Variants in EXOC6B observed in about 807,000 individuals in gnomAD.
EXOC6B encodes exocyst complex component 6B.
A neutral mutation model predicts 113.5 loss-of-function variants in EXOC6B; 54 were observed. The ratio of observed to expected loss-of-function variants is 0.48; its 90% confidence interval spans 0.38 to 0.60. EXOC6B has a LOEUF of 0.60. Among genes scored for constraint, EXOC6B ranks in the 20% least tolerant of loss-of-function variants. The pLI, the probability that EXOC6B is intolerant of heterozygous loss-of-function variation, is 0.00. For missense variants in EXOC6B, 797 were observed against 977.5 expected, an observed-to-expected ratio of 0.82 and a Z score of 2.46; for synonymous variants, 357 against 339.0, an observed-to-expected ratio of 1.05 and a Z score of -0.58.
chr2:72,763,529 C>T (rs1682868968), intron 1 of EXOC6B, among the ~76,000 whole-genome samples: 1 of 151,388 alleles, frequency 6.6e-6, no homozygotes, highest in South Asian at 2.1e-4. Flanking sequence ...CTCAAGTGAT[C>T]CTCCTATCTC....
At chr2:72,802,182 G>A (rs1054206392) in intron 1 of EXOC6B, among the ~76,000 whole-genome samples, 10 of 151,832 alleles carry the variant, frequency 6.6e-5, no homozygotes, top group Admixed American at 1.3e-4. Flanking sequence ...AAAAATAGCC[G>A]GGCATGGTGG....
intron 6 of EXOC6B, among the ~76,000 whole-genome samples, chr2:72,640,752 A>G (rs1424008771): frequency 6.6e-6 from 1 of 152,208 alleles, no homozygotes; most frequent in African/African-American, 2.4e-5. Context: ...TGACACACTC[A>G]GGCTCAAAAT....
At position 72,636,766 on chromosome 2, in the gene EXOC6B, A is replaced by G. The variant is rs145019989; in HGVS notation, c.670-61098T>C. On this transcript the variant is annotated intron_variant, in intron 6 of 21. Transcript: ENST00000272427. ...TCCACCTAAGACAGGGAACAAAAAG[A>G]TATGCATTCTAACCACTGCTATTCA... Among the ~76,000 whole-genome samples the G allele has an allele frequency of 1.1e-3, 172 of 152,318 alleles. 1 individual carries two copies. The highest frequency in any genetic ancestry group is 4.0e-3 in the African/African-American group (167 of 41,580).
chr2:72,730,233 A>G (rs558382539), intron 5 of EXOC6B, among the ~76,000 whole-genome samples: 2 of 152,330 alleles, frequency 1.3e-5, no homozygotes, highest in East Asian at 3.9e-4. Context: ...CAGAGGAGCC[A>G]GATATTTGGT....
chr2:72,229,003 T>C (rs1302931815), intron 20 of EXOC6B, among the ~76,000 whole-genome samples: 1 of 152,260 alleles, frequency 6.6e-6, no homozygotes, highest in African/African-American at 2.4e-5. Context: ...GATTTGCATT[T>C]CTCTGATGGC....
chr2:72,647,902 C>T (rs912623491), intron 6 of EXOC6B, among the ~76,000 whole-genome samples: 3 of 152,108 alleles, frequency 2.0e-5, no homozygotes, highest in Non-Finnish European at 2.9e-5. Context: ...ACCAAAAGCA[C>T]TGGCAAGAAA....
At chr2:72,585,652 A>G (rs1705520500) in intron 6 of EXOC6B, among the ~76,000 whole-genome samples, 1 of 152,098 alleles carries the variant, frequency 6.6e-6, no homozygotes, top group Non-Finnish European at 1.5e-5. Context: ...AAAGATCCTC[A>G]GGGCCTAGTA....
At chr2:72,404,044 G>A (rs1212845914) in intron 18 of EXOC6B, among the ~76,000 whole-genome samples, 9 of 152,150 alleles carry the variant, frequency 5.9e-5, no homozygotes, top group African/African-American at 2.2e-4. Flanking sequence ...CTTAGCAAAC[G>A]GCACACCAGG....
intron 7 of EXOC6B, among the ~76,000 whole-genome samples, chr2:72,566,850 A>G (rs1704207697): frequency 6.6e-6 from 1 of 152,104 alleles, no homozygotes; most frequent in South Asian, 2.1e-4. Context: ...TAAAAATAGA[A>G]TGAGAAAGAT....
At position 72,315,337 on chromosome 2, in the gene EXOC6B, G is replaced by A. The variant is rs1687445267; in HGVS notation, c.2196+19610C>T. 2.0e-5 allele frequency among the ~76,000 whole-genome samples: 3 copies of A among 151,696 alleles called. No individual in the cohort carries two copies. The South Asian group carries it at 6.2e-4, about 32-fold the overall frequency. ...AAAAGTAGTCACAGAGTTAAAGGGT[G>A]TATGTGTGTGTGTGTGTGTGTGTGA... On this transcript the variant is annotated intron_variant, in intron 20 of 21. Coordinates refer to ENST00000272427, the MANE Select transcript of EXOC6B (RefSeq NM_015189.3).
At position 72,648,449 on chromosome 2, in the gene EXOC6B, T is replaced by C. The variant is rs140903170; in HGVS notation, c.669+69654A>G. Among the ~76,000 whole-genome samples the C allele has an allele frequency of 9.9e-3, 1,503 of 152,356 alleles. 39 individuals carry two copies. Among genetic ancestry groups the C allele is most frequent in the African/African-American group, 0.035 (1,449 of 41,586 alleles). On this transcript the variant is annotated intron_variant, in intron 6 of 21. Coordinates refer to ENST00000272427, the MANE Select transcript of EXOC6B (RefSeq NM_015189.3). ...TACTGGGTATATACCCAAAGGATTATAAATCATGCTGCTATAAAGACACAT... is the reference window on the plus strand; with the variant it reads ...TACTGGGTATATACCCAAAGGATTACAAATCATGCTGCTATAAAGACACAT...
intron 19 of EXOC6B, among the ~76,000 whole-genome samples, chr2:72,360,952 T>C (rs995487885): frequency 1.6e-5 from 2 of 127,962 alleles, no homozygotes; most frequent in African/African-American, 7.4e-5. Context: ...AAAAAAAAAA[T>C]TATGGAACTT....
chr2:72,522,813 A>G (rs1205422426), intron 8 of EXOC6B, among the ~76,000 whole-genome samples: 2 of 152,182 alleles, frequency 1.3e-5, no homozygotes, highest in Non-Finnish European at 2.9e-5. Context: ...CACGCATATA[A>G]ATAAGGTCAT....
chr2:72,383,685 G>T (rs1237016484), intron 18 of EXOC6B, among the ~76,000 whole-genome samples: 2 of 151,954 alleles, frequency 1.3e-5, no homozygotes, highest in African/African-American at 4.8e-5. Flanking sequence ...TTACCATAAA[G>T]ACATATGCAC....
chr2:72,675,253 T>C lies in EXOC6B; in HGVS notation c.669+42850A>G, dbSNP rs2104518622. On this transcript the variant is annotated intron_variant, in intron 6 of 21. Transcript: ENST00000272427. ...GTAACACAAAACTGCCACAGTTGAT[T>C]AAAAAATGAAAAGCTGAACGAGATC... Among the ~76,000 whole-genome samples, 2 of 152,344 alleles carry C rather than the reference T, an allele frequency of 1.3e-5. 1 individual carries two copies. Among genetic ancestry groups the C allele is most frequent in the Middle Eastern group, 6.8e-3 (2 of 294 alleles).
intron 19 of EXOC6B, among the ~76,000 whole-genome samples, chr2:72,375,460 C>T (rs901075857): frequency 6.6e-6 from 1 of 152,042 alleles, no homozygotes; most frequent in Non-Finnish European, 1.5e-5. Context: ...ATAAAGTATG[C>T]TCTCTGATCA....
intron 6 of EXOC6B, among the ~76,000 whole-genome samples, chr2:72,702,129 A>ATCTCATTG (rs1488900216): frequency 8.5e-5 from 12 of 141,958 alleles, no homozygotes; most frequent in Non-Finnish European, 1.7e-4. Context: ...TGTCCATGTG[A>ATCTCATTG]TCTCATTGTT....
chr2:72,590,643 A>G (rs906564114), intron 6 of EXOC6B, among the ~76,000 whole-genome samples: 2 of 152,002 alleles, frequency 1.3e-5, no homozygotes, highest in African/African-American at 4.8e-5. Flanking sequence ...TAGTTTTTAA[A>G]TGAGTTTCTT....
intron 18 of EXOC6B, among the ~76,000 whole-genome samples, chr2:72,453,132 CA>C (rs754783078): frequency 6.6e-6 from 1 of 151,944 alleles, no homozygotes; most frequent in African/African-American, 2.4e-5. Flanking sequence ...ATCTGTATTC[CA>C]AAAATATATT....
Sources: gnomAD v4.1 joint callset for allele counts (sites outside exome capture counted in the v4.1 genomes callset) on GRCh38, gnomAD v4.1.1 for gene constraint, MANE v1.5 for transcripts, NCBI Gene and HGNC (gene_info 2026-07-23, HGNC 2026-07-21) for gene names.